Variants in SCHIP1 observed in about 807,000 individuals in gnomAD.
SCHIP1 encodes the protein schwannomin interacting protein 1.
SCHIP1 carries 8 observed loss-of-function variants against 29.7 expected under a neutral mutation model. The ratio of observed to expected loss-of-function variants is 0.27; its 90% confidence interval spans 0.16 to 0.49. SCHIP1 has a LOEUF of 0.49. Among genes scored for constraint, SCHIP1 ranks in the 20% least tolerant of loss-of-function variants. The pLI is 0.99. For missense variants in SCHIP1, 193 were observed against 294.6 expected (o/e 0.66, Z 2.52); for synonymous variants, 76 against 94.9 (o/e 0.80, Z 1.16).
the SCHIP1 span, among the ~76,000 whole-genome samples, chr3:159,828,385 A>ATATATATATATATATATG: frequency 1.4e-5 from 1 of 71,656 alleles, no homozygotes; most frequent in African/African-American, 4.6e-5. Flanking sequence ...ACATATATAT[A>ATATATATATATATATATG]TACATATATA....
the SCHIP1 span, among the ~76,000 whole-genome samples, chr3:159,762,850 C>A: frequency 6.6e-6 from 1 of 152,240 alleles, no homozygotes; most frequent in Non-Finnish European, 1.5e-5. Flanking sequence ...CCTGAAATAT[C>A]TAAGGAAGCA....
At chr3:159,363,340 A>C in the SCHIP1 span, among the ~76,000 whole-genome samples, 2 of 152,192 alleles carry the variant, frequency 1.3e-5, no homozygotes, top group African/African-American at 4.8e-5. Flanking sequence ...TAGTAAGTAA[A>C]ATTTCCTCTT....
the SCHIP1 span, among the ~76,000 whole-genome samples, chr3:159,309,977 T>G: frequency 1.3e-5 from 2 of 152,178 alleles, no homozygotes; most frequent in African/African-American, 4.8e-5. Context: ...AAGATATTTT[T>G]AGAGAGAATA....
chr3:159,531,527 A>G, the SCHIP1 span, among the ~76,000 whole-genome samples: 1 of 152,228 alleles, frequency 6.6e-6, no homozygotes, highest in South Asian at 2.1e-4. Context: ...ACAAAAGACC[A>G]AACTCTCTGC....
At chr3:159,756,657 T>C in the SCHIP1 span, among the ~76,000 whole-genome samples, 1 of 152,242 alleles carries the variant, frequency 6.6e-6, no homozygotes, top group Admixed American at 6.5e-5. Context: ...GGTTTTTCCT[T>C]TTCTACTGCA....
the SCHIP1 span, among the ~76,000 whole-genome samples, chr3:159,599,378 C>G: frequency 6.6e-6 from 1 of 151,984 alleles, no homozygotes; most frequent in East Asian, 1.9e-4. Flanking sequence ...TACACTGTAC[C>G]CAATGTGGTG....
chr3:159,425,773 A>C, the SCHIP1 span, among the ~76,000 whole-genome samples: 8 of 152,230 alleles, frequency 5.3e-5, no homozygotes, highest in Non-Finnish European at 8.8e-5. Context: ...CTATTCCAAA[A>C]TTGACCACAT....
chr3:159,842,816 C>G (rs1008560901), intron 1 of SCHIP1, among the ~76,000 whole-genome samples: 3 of 149,846 alleles, frequency 2.0e-5, no homozygotes, highest in African/African-American at 7.4e-5. Context: ...ATCTGAAATT[C>G]ACATTCAACC....
the SCHIP1 span, among the ~76,000 whole-genome samples, chr3:159,594,333 A>T: frequency 8.4e-4 from 128 of 152,316 alleles, no homozygotes; most frequent in African/African-American, 2.9e-3. Flanking sequence ...GCTTTTTTTT[A>T]AATGTTATGT....
At chr3:159,306,311 G>A in the SCHIP1 span, among the ~76,000 whole-genome samples, 24 of 152,190 alleles carry the variant, frequency 1.6e-4, no homozygotes, top group Non-Finnish European at 1.8e-4. Flanking sequence ...ATTTAATAAT[G>A]CCTATGTTTA....
intron 1 of SCHIP1, chr3:159,853,386 T>C (rs1712905875): frequency 1.4e-6 from 1 of 696,342 alleles, no homozygotes; most frequent in African/African-American, 1.8e-5. Context: ...AAGGATGAAT[T>C]TGGACAGTGA....
At chr3:159,882,122 C>G (rs1195496179) in intron 2 of SCHIP1, among the ~76,000 whole-genome samples, 1 of 152,136 alleles carries the variant, frequency 6.6e-6, no homozygotes. Context: ...GCTGCAGGGT[C>G]ACATTACAGA....
At chr3:159,678,837 G>A in the SCHIP1 span, among the ~76,000 whole-genome samples, 1 of 152,186 alleles carries the variant, frequency 6.6e-6, no homozygotes, top group Admixed American at 6.5e-5. Context: ...ATGAGTATAA[G>A]GAAAGGCGGG....
the SCHIP1 span, among the ~76,000 whole-genome samples, chr3:159,505,702 A>C: frequency 6.6e-6 from 1 of 151,992 alleles, no homozygotes; most frequent in African/African-American, 2.4e-5. Flanking sequence ...ATTCCCACCT[A>C]TGAGTGAGAA....
At chr3:159,298,820 T>G in the SCHIP1 span, among the ~76,000 whole-genome samples, 2 of 152,212 alleles carry the variant, frequency 1.3e-5, no homozygotes, top group African/African-American at 2.4e-5. Context: ...AAATCAAATT[T>G]TTTAAAATAA....
intron 2 of SCHIP1, among the ~76,000 whole-genome samples, chr3:159,875,679 TCTAA>T (rs1430922431): frequency 2.0e-5 from 3 of 152,224 alleles, no homozygotes; most frequent in Admixed American, 6.5e-5. Context: ...TAGAAAACAT[TCTAA>T]CTGACTGCAG....
the SCHIP1 span, among the ~76,000 whole-genome samples, chr3:159,394,862 A>G: frequency 1.3e-5 from 2 of 151,854 alleles, no homozygotes; most frequent in Non-Finnish European, 2.9e-5. Context: ...CTCTTTTTCT[A>G]TTGATTGGAA....
the SCHIP1 span, among the ~76,000 whole-genome samples, chr3:159,330,216 AC>A: frequency 6.6e-6 from 1 of 152,198 alleles, no homozygotes; most frequent in South Asian, 2.1e-4. Flanking sequence ...TTTAATGTAG[AC>A]ATCAAAGTAT....
chr3:159,772,779 C>T, the SCHIP1 span, among the ~76,000 whole-genome samples: 319 of 152,274 alleles, frequency 2.1e-3, no homozygotes, highest in Non-Finnish European at 3.7e-3. Flanking sequence ...CTTGCTCTGT[C>T]GCCTAGGCTG....
Sources: allele counts gnomAD v4.1 joint callset (sites outside exome capture counted in the v4.1 genomes callset), GRCh38; gene constraint gnomAD v4.1.1; transcripts MANE v1.5; gene names NCBI Gene and HGNC (gene_info 2026-07-23, HGNC 2026-07-21).